Variants in KAT2A observed in about 807,000 individuals in gnomAD.
KAT2A encodes lysine acetyltransferase 2A, also known as histone acetyltransferase KAT2A.
KAT2A carries 42 observed loss-of-function variants against 95.2 expected under a neutral mutation model. The ratio of observed to expected loss-of-function variants is 0.44; its 90% CI spans 0.34 to 0.57. KAT2A has a LOEUF of 0.57. KAT2A is among the 20% of genes least tolerant of loss of function. KAT2A has a pLI of 0.01. For missense variants in KAT2A, 784 were observed against 1,126.3 expected (o/e 0.70, Z 4.35); for synonymous variants, 449 against 448.2 (o/e 1.00, Z -0.02).
rs373720160 is a variant in KAT2A, at chr17:42,113,456, T to C, written c.*193A>G. On this transcript the variant is annotated 3_prime_UTR_variant, in exon 18 of 18. Transcript: ENST00000225916. ...AACCCAGGAGACCTCTCACACACAGTGAAGGCTGGGACAGAGCTGCACGCT... is the reference window on the plus strand; with the variant it reads ...AACCCAGGAGACCTCTCACACACAGCGAAGGCTGGGACAGAGCTGCACGCT... The C allele has an allele frequency of 3.8e-6, 2 of 524,592 alleles. No homozygotes were observed. The allele number at this position is 524,592 out of a possible 1,614,324, so 32.5% of individuals were successfully genotyped here.
intron 11 of KAT2A, among the ~76,000 whole-genome samples, chr17:42,116,593 G>T (rs1299763264): frequency 3.3e-5 from 5 of 152,170 alleles, no homozygotes; most frequent in African/African-American, 9.7e-5. Context: ...CAGACGTAGT[G>T]GTGCATGCCT....
Position 42,119,592 on chromosome 17 carries a change from A to G in KAT2A, c.826T>C (p.Phe276Leu), listed in dbSNP as rs1555666865. 1 of 1,613,356 alleles carries G rather than the reference A, an allele frequency of 6.2e-7. No individual in the cohort carries two copies. Among genetic ancestry groups the G allele is most frequent in the South Asian group, 1.1e-5 (1 of 91,012 alleles). ...TCCTCAGCCTGAGACCTCTGCCGAA[A>G]CTGGGCAGGTGTCTCAAGCTTCCAG... The part of the protein sequence containing the change: ...NYWKLETPAQ[F>L]RQRSQAEDVA... The change falls in exon 5 of 18, where the codon TTT becomes CTT. Residue 276 changes from phenylalanine to leucine, a missense_variant. Phe to Leu is a conservative substitution (Grantham distance 22, BLOSUM62 0). Around this residue, in one of 6 missense-constraint regions of KAT2A, gnomAD observed 208 missense variants for 339.7 expected, o/e 0.61. Transcript: ENST00000225916. The surrounding 1 kb of genome is among the most constrained non-coding windows in gnomAD (Gnocchi z 5.3).
At chr17:42,116,715 C>T (rs1353648045) in intron 11 of KAT2A, among the ~76,000 whole-genome samples, 2 of 151,966 alleles carry the variant, frequency 1.3e-5, no homozygotes, top group African/African-American at 4.8e-5. Context: ...TGAGAGAGAC[C>T]CTCTTTCAAA....
intron 7 of KAT2A, 33 bp from the exon 8 acceptor site, chr17:42,118,050 G>T: frequency 7.6e-7 from 1 of 1,318,160 alleles, no homozygotes; most frequent in Non-Finnish European, 1.0e-6. Context: ...GGGATGGGGG[G>T]CTGAAGCTGA....
In KAT2A at chr17:42,121,266, A is replaced by G; in HGVS notation, c.39T>C (p.Ala13=). Residue 13 remains alanine (A), a synonymous_variant, in exon 1 of 18, where the codon GCT becomes GCC. Coordinates refer to ENST00000225916, the MANE Select transcript of KAT2A (RefSeq NM_021078.3). The stretch of plus-strand genomic sequence containing the variant: ...GGGACTGAAGGGGCCGGGGCTGCGC[A>G]GCCGGGGCCGGGGTCGGGGCCTGGG... ...EPSQAPTPAP[A]AQPRPLQSPA... 2 of 1,350,218 alleles carry G rather than the reference A, an allele frequency of 1.5e-6. No individual in the cohort carries two copies. Among genetic ancestry groups the G allele is most frequent in the Non-Finnish European group, 1.9e-6 (2 of 1,046,734 alleles). 83.6% of individuals were successfully genotyped at this position (1,350,218 alleles called of 1,614,324 possible).
chr17:42,114,901 C>T lies in KAT2A; in HGVS notation c.2010G>A (p.Lys670=). 6.2e-7 allele frequency: 1 copy of T among 1,613,974 alleles called. No homozygotes were observed. Among genetic ancestry groups the T allele is most frequent in the Admixed American group, 1.7e-5 (1 of 59,988 alleles). The part of the protein sequence containing the change: ...PYTELSHIIK[K]QKEIIKKLIE... ...CATGTGTGCACACCACCTCTTTCTG[C>T]TTCTTGATGATGTGGGACAGCTCCG... The change falls in exon 13 of 18, where the codon AAG becomes AAA. Residue 670 remains lysine (K), a synonymous_variant. Coordinates refer to ENST00000225916, the MANE Select transcript of KAT2A (RefSeq NM_021078.3). The surrounding 1 kb of genome is among the most constrained non-coding windows in gnomAD (Gnocchi z 6.0).
Position 42,120,019 on chromosome 17 carries a change from C to T in KAT2A, c.699+11G>A, listed in dbSNP as rs782280912. The T allele has an allele frequency of 6.2e-7, 1 of 1,608,430 alleles. No individual in the cohort carries two copies. The highest frequency in any genetic ancestry group is 1.1e-5 in the South Asian group (1 of 90,936). On this transcript the variant is annotated intron_variant, in intron 4 of 17. Transcript: ENST00000225916. ...TTCTCCTATCCGCTATCTCCAATTC[C>T]CCTATCTCACCTGCTCAATATTAGG...
Position 42,114,260 on chromosome 17 carries a change from G to C in KAT2A, c.2194C>G (p.Gln732Glu). ...EKGKELKDPD[Q>E]LYTTLKNLLA... is the part of the protein sequence containing the mutation. Reference sequence around the variant, plus strand: ...AGGTTTTTGAGGGTTGTGTAGAGCTGGTCGGGGTCCTTCAGCTCCTTCCTG... The same window carrying C: ...AGGTTTTTGAGGGTTGTGTAGAGCTCGTCGGGGTCCTTCAGCTCCTTCCTG... Residue 732 changes from glutamine (Q) to glutamate (E), a missense_variant, in exon 16 of 18, where the codon CAG becomes GAG. Gln to Glu is a conservative substitution (Grantham distance 29). Around this residue, in one of 6 missense-constraint regions of KAT2A, gnomAD observed 195 missense variants for 247.1 expected, o/e 0.79. Coordinates refer to ENST00000225916, the MANE Select transcript of KAT2A (RefSeq NM_021078.3). The surrounding 1 kb of genome is among the most constrained non-coding windows in gnomAD (Gnocchi z 6.0). 1 of 1,562,542 alleles carries C rather than the reference G, an allele frequency of 6.4e-7. No individual in the cohort carries two copies. The highest frequency in any genetic ancestry group is 8.7e-7 in the Non-Finnish European group (1 of 1,151,492).
chr17:42,117,172 G>C lies in KAT2A; in HGVS notation c.1638-11C>G, dbSNP rs550684676. 6.2e-6 allele frequency: 10 copies of C among 1,613,590 alleles called. No homozygotes were observed. Among genetic ancestry groups the C allele is most frequent in the African/African-American group, 1.3e-5 (1 of 75,062 alleles). ...AGAGTCTTGTGCTTCCTAAGAGAGA[G>C]GGGGGCATGTCATAGCCCCTGACTG... On this transcript the variant is annotated splice_polypyrimidine_tract_variant and intron_variant, in intron 10 of 17. Coordinates refer to ENST00000225916, the MANE Select transcript of KAT2A (RefSeq NM_021078.3). The surrounding 1 kb of genome is among the most constrained non-coding windows in gnomAD (Gnocchi z 8.9).
At chr17:42,116,493 G>T (rs1598230140) in intron 11 of KAT2A, among the ~76,000 whole-genome samples, 1 of 152,198 alleles carries the variant, frequency 6.6e-6, no homozygotes, top group African/African-American at 2.4e-5. Flanking sequence ...CGAGGTGGGT[G>T]AATCACTTAA....
At position 42,120,278 on chromosome 17, in the gene KAT2A, C is replaced by T. The variant is rs1217798808; in HGVS notation, c.556G>A (p.Val186Ile). The T allele has an allele frequency of 1.2e-6, 2 of 1,614,036 alleles. No individual in the cohort carries two copies. The highest frequency in any genetic ancestry group is 3.3e-5 in the Admixed American group (2 of 60,012). The stretch of plus-strand genomic sequence containing the variant: ...GTGTCTGTGTCCTCTTCCTTGTGAA[C>T]AGACATGAAGAGATTCTCCACATCC... The part of the protein sequence containing the change: ...VVDVENLFMS[V>I]HKEEDTDTKQ... Residue 186 changes from valine to isoleucine, a missense_variant, in exon 3 of 18, where the codon GTT becomes ATT. Val to Ile is a conservative substitution (Grantham distance 29). Around this residue, in one of 6 missense-constraint regions of KAT2A, gnomAD observed 208 missense variants for 339.7 expected, o/e 0.61. Transcript: ENST00000225916.
chr17:42,120,812 C>T lies in KAT2A; in HGVS notation c.357G>A (p.Lys119=), dbSNP rs782679093. Residue 119 remains lysine (K), a synonymous_variant, in exon 2 of 18, where the codon AAG becomes AAA. Transcript: ENST00000225916. ...GCTTGGGGTTTTTCCAGCCATTACA[C>T]TTACAGGTTTCATTGGCCTGGAGGT... ...FSACKANETC[K]CNGWKNPKPP... 6.2e-7 allele frequency: 1 copy of T among 1,612,392 alleles called. No homozygotes were observed. Among genetic ancestry groups the T allele is most frequent in the Non-Finnish European group, 8.5e-7 (1 of 1,179,118 alleles).
Position 42,113,616 on chromosome 17 carries a change from A to AT in KAT2A, c.*32dup. The AT allele has an allele frequency of 6.3e-7, 1 of 1,584,404 alleles. No homozygotes were observed. The highest frequency in any genetic ancestry group is 1.9e-5 in the Admixed American group (1 of 52,208). Reference sequence around the variant, plus strand: ...TCAGATCAGAATCCGAGGTGGAGACATTCCAGGTCAGGGCTGCGGCCCAAA... The same window carrying AT: ...TCAGATCAGAATCCGAGGTGGAGACATTTCCAGGTCAGGGCTGCGGCCCAAA... On this transcript the variant is annotated 3_prime_UTR_variant, in exon 18 of 18. Transcript: ENST00000225916.
Position 42,117,237 on chromosome 17 carries a change from A to G in KAT2A, c.1638-76T>C. Reference sequence around the variant, plus strand: ...CCAGAGCCCTGGAAGTCTGAGCTGTAGTCAGGGTTGGGCAGTGAGAAGTAA... The same window carrying G: ...CCAGAGCCCTGGAAGTCTGAGCTGTGGTCAGGGTTGGGCAGTGAGAAGTAA... On this transcript the variant is annotated intron_variant, in intron 10 of 17. Coordinates refer to ENST00000225916, the MANE Select transcript of KAT2A (RefSeq NM_021078.3). The surrounding 1 kb of genome is among the most constrained non-coding windows in gnomAD (Gnocchi z 8.9). The G allele has an allele frequency of 6.3e-7, 1 of 1,592,954 alleles. No individual in the cohort carries two copies. The highest frequency in any genetic ancestry group is 8.6e-7 in the Non-Finnish European group (1 of 1,166,708).
At position 42,114,704 on chromosome 17, in the gene KAT2A, G is replaced by T; in HGVS notation, c.2020-100C>A. On this transcript the variant is annotated intron_variant, in intron 13 of 17. Transcript: ENST00000225916. The surrounding 1 kb of genome is among the most constrained non-coding windows in gnomAD (Gnocchi z 6.0). ...CTGGCTGCACCCACCCAGCTGCAAC[G>T]CCACCTAATCCAGCACCTCCCCTCA... The T allele has an allele frequency of 8.2e-7, 1 of 1,214,810 alleles. No homozygotes were observed. The highest frequency in any genetic ancestry group is 2.4e-5 in the East Asian group (1 of 41,762). The allele number at this position is 1,214,810 out of a possible 1,614,324, so 75.3% of individuals were successfully genotyped here.
rs374477366 is a variant in KAT2A, at chr17:42,119,519, G to A, written c.881+18C>T. On this transcript the variant is annotated intron_variant, in intron 5 of 17. Transcript: ENST00000225916. This position sits in a 1 kb window ranked among gnomAD's most constrained non-coding sequence, Gnocchi z 5.3. Reference sequence around the variant, plus strand: ...GGGCCTGCAAGCCTCCCCCGAAGCTGCCCCTGGCTGGGCCTACCTGGTGTA... The same window carrying A: ...GGGCCTGCAAGCCTCCCCCGAAGCTACCCCTGGCTGGGCCTACCTGGTGTA... 52 of 1,582,922 alleles carry A rather than the reference G, an allele frequency of 3.3e-5. No homozygotes were observed. The highest frequency in any genetic ancestry group is 4.2e-5 in the Non-Finnish European group (49 of 1,161,252).
In KAT2A at chr17:42,119,403, A is replaced by G. The variant is rs1555666815; in HGVS notation, c.915T>C (p.Cys305=). ...WLCYCHVPQS[C]DSLPRYETTH... is the part of the protein sequence containing the mutation. Reference sequence around the variant, plus strand: ...TGGTTTCGTAGCGGGGGAGGCTATCACAGCTCTGGGGCACGTGGCAGTAAC... The same window carrying G: ...TGGTTTCGTAGCGGGGGAGGCTATCGCAGCTCTGGGGCACGTGGCAGTAAC... The change falls in exon 6 of 18, where the codon TGT becomes TGC. Residue 305 remains cysteine (C), a synonymous_variant. Coordinates refer to ENST00000225916, the MANE Select transcript of KAT2A (RefSeq NM_021078.3). The surrounding 1 kb of genome is among the most constrained non-coding windows in gnomAD (Gnocchi z 5.3). The G allele has an allele frequency of 6.2e-7, 1 of 1,613,816 alleles. No individual in the cohort carries two copies. Among genetic ancestry groups the G allele is most frequent in the Admixed American group, 1.7e-5 (1 of 59,978 alleles).
chr17:42,120,652 G>A, intron 2 of KAT2A, 54 bp downstream of exon 2: 2 of 1,610,670 alleles, frequency 1.2e-6, no homozygotes, highest in Non-Finnish European at 1.7e-6. Flanking sequence ...TTGTCACCCT[G>A]TCCAAGCAGG....
Position 42,117,428 on chromosome 17 carries a change from G to A in KAT2A, c.1597C>T (p.Arg533Cys), listed in dbSNP as rs1555666192. The A allele has an allele frequency of 1.2e-6, 2 of 1,613,582 alleles. No homozygotes were observed. Among genetic ancestry groups the A allele is most frequent in the Non-Finnish European group, 8.5e-7 (1 of 1,179,966 alleles). Residue 533 changes from arginine to cysteine, a missense_variant, in exon 10 of 18, where the codon CGC becomes TGC. Physicochemically the swap from Arg to Cys is radical, Grantham distance 180. Coordinates refer to ENST00000225916, the MANE Select transcript of KAT2A (RefSeq NM_021078.3). The surrounding 1 kb of genome is among the most constrained non-coding windows in gnomAD (Gnocchi z 8.9). The part of the protein sequence containing the change: ...LQNVFSHQLP[R>C]MPKEYIARLV... ...CGGGCGATATACTCCTTAGGCATGC[G>A]CGGCAGCTGGTGGGAAAAGACATTC...
Sources: allele counts gnomAD v4.1 joint callset (sites outside exome capture counted in the v4.1 genomes callset), GRCh38; gene constraint gnomAD v4.1.1; regional missense constraint gnomAD v4.1.1; non-coding constraint Gnocchi (gnomAD v3.1); transcripts MANE v1.5; gene names NCBI Gene and HGNC (gene_info 2026-07-23, HGNC 2026-07-21).